The following ACTC1 variants were observed in gnomAD, a reference collection of about 807,000 sequenced individuals.
ACTC1 encodes the protein actin alpha cardiac muscle 1.
ACTC1 carries 10 observed loss-of-function variants against 31.6 expected under a neutral mutation model. That is an observed-to-expected ratio of 0.32 (90% CI 0.19 to 0.54). The LOEUF is 0.54. Ranked by LOEUF, ACTC1 falls within the 20% of genes least tolerant of loss-of-function variation. The pLI is 0.95. For missense variants in ACTC1, 129 were observed against 506.4 expected, an observed-to-expected ratio of 0.25 and a Z score of 7.15; for synonymous variants, 196 against 185.0, an observed-to-expected ratio of 1.06 and a Z score of -0.48.
Position 34,792,941 on chromosome 15 carries a change from G to A in ACTC1, c.454+304C>T, listed in dbSNP as rs1257990080. On this transcript the variant is annotated intron_variant, in intron 3 of 6. Coordinates refer to ENST00000290378, the MANE Select transcript of ACTC1 (RefSeq NM_005159.5). This position sits in a 1 kb window ranked among gnomAD's most constrained non-coding sequence, Gnocchi z 5.3. ...CTGTATGGAATGTATTCTCCTTGGG[G>A]ATGCTTGCCCAGGTGATGTGATGGT... 5.8e-6 allele frequency: 3 copies of A among 521,320 alleles called. No individual in the cohort carries two copies. The highest frequency in any genetic ancestry group is 3.8e-5 in the African/African-American group (2 of 52,138). 32.3% of individuals were successfully genotyped at this position (521,320 alleles called of 1,614,324 possible).
intron 5 of ACTC1, chr15:34,791,753 G>T: frequency 2.6e-6 from 1 of 386,402 alleles, no homozygotes. Context: ...TTAATGATGA[G>T]GAACTTGGAA....
chr15:34,792,777 T>G lies in ACTC1; in HGVS notation c.455-208A>C. On this transcript the variant is annotated intron_variant, in intron 3 of 6. Transcript: ENST00000290378. The surrounding 1 kb of genome is among the most constrained non-coding windows in gnomAD (Gnocchi z 5.3). ...AAACTGCAGCTCATCTTTTTAACTA[T>G]TATAGTAGAAAAAATTCCCGAGGAC... The G allele has an allele frequency of 1.7e-6, 1 of 605,872 alleles. No homozygotes were observed. Among genetic ancestry groups the G allele is most frequent in the South Asian group, 2.0e-5 (1 of 50,606 alleles). The allele number at this position is 605,872 out of a possible 1,614,324, so 37.5% of individuals were successfully genotyped here.
At position 34,791,922 on chromosome 15, in the gene ACTC1, A is replaced by G. The variant is rs1428858092; in HGVS notation, c.808+168T>C. On this transcript the variant is annotated intron_variant, in intron 5 of 6. Transcript: ENST00000290378. Reference sequence around the variant, plus strand: ...CTTTATTATATCACTAGAGCAGAACATAGACTTCCCCTTTAATGAGCCATC... The same window carrying G: ...CTTTATTATATCACTAGAGCAGAACGTAGACTTCCCCTTTAATGAGCCATC... 8.9e-6 allele frequency: 6 copies of G among 672,646 alleles called. No homozygotes were observed. The East Asian group carries it at 1.4e-4, about 15-fold the overall frequency. The allele number at this position is 672,646 out of a possible 1,614,324, so 41.7% of individuals were successfully genotyped here. A position where few individuals can be genotyped will look rare whatever the true frequency, so the allele number is the denominator to read the frequency against.
chr15:34,794,890 C>A, intron 1 of ACTC1, 60 bp from the exon 2 acceptor site: 2 of 1,566,056 alleles, frequency 1.3e-6, no homozygotes, highest in Non-Finnish European at 1.7e-6. Flanking sequence ...TGGCCTTCTC[C>A]GCACCCAGAG....
intron 6 of ACTC1, 49 bp from the exon 7 acceptor site, chr15:34,790,604 A>T: frequency 6.2e-7 from 1 of 1,610,024 alleles, no homozygotes. Context: ...GTTCCAAGCA[A>T]GGGAGCAAAT....
intron 5 of ACTC1, 57 bp from the exon 6 acceptor site, chr15:34,791,352 CAT>C (rs1891703709): frequency 7.1e-7 from 1 of 1,406,730 alleles, no homozygotes; most frequent in Non-Finnish European, 9.8e-7. Flanking sequence ...CACACACACA[CAT>C]CACAGTGCAT....
chr15:34,794,323 A>C (rs1257025578), intron 2 of ACTC1, among the ~76,000 whole-genome samples: 1 of 152,204 alleles, frequency 6.6e-6, no homozygotes, highest in Non-Finnish European at 1.5e-5. Context: ...GGGAGAGGTG[A>C]TATTGTTAGA....
intron 5 of ACTC1, chr15:34,791,665 T>C (rs367741848): frequency 4.8e-5 from 16 of 332,300 alleles, no homozygotes; most frequent in South Asian, 2.0e-4. Context: ...AAGTTCCTTA[T>C]GGAAAGCATT....
At position 34,792,682 on chromosome 15, in the gene ACTC1, G is replaced by T; in HGVS notation, c.455-113C>A. ...CTAAGAGATGCTAGCAATGGGCATT[G>T]ATCCAGATAAAATTAGATTCCTTAC... On this transcript the variant is annotated intron_variant, in intron 3 of 6. Transcript: ENST00000290378. This position sits in a 1 kb window ranked among gnomAD's most constrained non-coding sequence, Gnocchi z 5.3. 8.8e-7 allele frequency: 1 copy of T among 1,130,656 alleles called. No individual in the cohort carries two copies. Among genetic ancestry groups the T allele is most frequent in the South Asian group, 1.3e-5 (1 of 76,986 alleles). 70.0% of individuals were successfully genotyped at this position (1,130,656 alleles called of 1,614,324 possible).
rs903582519 is a variant in ACTC1, at chr15:34,792,124, G to C, written c.774C>G (p.Arg258=). 1 of 1,614,220 alleles carries C rather than the reference G, an allele frequency of 6.2e-7. No homozygotes were observed. The highest frequency in any genetic ancestry group is 1.1e-5 in the South Asian group (1 of 91,082). Reference sequence around the variant, plus strand: ...AGGGCTGGAAGAGTGTCTCAGGACAGCGGAAGCGCTCATTGCCAATAGTGA... The same window carrying C: ...AGGGCTGGAAGAGTGTCTCAGGACACCGGAAGCGCTCATTGCCAATAGTGA... ...QVITIGNERF[R]CPETLFQPSF... The change falls in exon 5 of 7, where the codon CGC becomes CGG. Residue 258 remains arginine, a synonymous_variant. Coordinates refer to ENST00000290378, the MANE Select transcript of ACTC1 (RefSeq NM_005159.5). This position sits in a 1 kb window ranked among gnomAD's most constrained non-coding sequence, Gnocchi z 5.3.
chr15:34,791,087 G>T, intron 6 of ACTC1, 27 bp downstream of exon 6: 1 of 1,567,946 alleles, frequency 6.4e-7, no homozygotes, highest in African/African-American at 1.3e-5. Context: ...ACTTGCCTCG[G>T]ATCTCCCACT....
Position 34,792,834 on chromosome 15 carries a change from C to A in ACTC1, c.455-265G>T. On this transcript the variant is annotated intron_variant, in intron 3 of 6. Coordinates refer to ENST00000290378, the MANE Select transcript of ACTC1 (RefSeq NM_005159.5). The surrounding 1 kb of genome is among the most constrained non-coding windows in gnomAD (Gnocchi z 5.3). ...AAATGACCATCTTTCTTGTCAGCCACGAGCACATTATGTAAGCACCCAAGG... is the reference window on the plus strand; with the variant it reads ...AAATGACCATCTTTCTTGTCAGCCAAGAGCACATTATGTAAGCACCCAAGG... The A allele has an allele frequency of 1.9e-6, 1 of 539,186 alleles. No individual in the cohort carries two copies. Among genetic ancestry groups the A allele is most frequent in the South Asian group, 2.0e-5 (1 of 48,800 alleles). The allele number at this position is 539,186 out of a possible 1,614,324, so 33.4% of individuals were successfully genotyped here.
At position 34,792,890 on chromosome 15, in the gene ACTC1, C is replaced by T. The variant is rs1466223142; in HGVS notation, c.455-321G>A. ...TTTCTTTGCTCCTATTGAACTTACA[C>T]GTTTCTCTCTCTTTTGACTCAGACC... On this transcript the variant is annotated intron_variant, in intron 3 of 6. Coordinates refer to ENST00000290378, the MANE Select transcript of ACTC1 (RefSeq NM_005159.5). The surrounding 1 kb of genome is among the most constrained non-coding windows in gnomAD (Gnocchi z 5.3). The T allele has an allele frequency of 2.0e-6, 1 of 503,940 alleles. No homozygotes were observed. Among genetic ancestry groups the T allele is most frequent in the Non-Finnish European group, 3.6e-6 (1 of 278,108 alleles). 31.2% of individuals were successfully genotyped at this position (503,940 alleles called of 1,614,324 possible). A position where few individuals can be genotyped will look rare whatever the true frequency, so the allele number is the denominator to read the frequency against.
rs1224080351 is a variant in ACTC1, at chr15:34,790,437, G to C, written c.1109C>G (p.Ser370Cys). 1 of 1,614,098 alleles carries C rather than the reference G, an allele frequency of 6.2e-7. No individual in the cohort carries two copies. Among genetic ancestry groups the C allele is most frequent in the Non-Finnish European group, 8.5e-7 (1 of 1,180,012 alleles). Residue 370 changes from serine to cysteine, a missense_variant, in exon 7 of 7, where the codon TCC becomes TGC. Physicochemically the swap from Ser to Cys is moderately radical, Grantham distance 112. Coordinates refer to ENST00000290378, the MANE Select transcript of ACTC1 (RefSeq NM_005159.5). ...SKQEYDEAGP[S>C]IVHRKCF is the part of the protein sequence containing the mutation. ...TTAGAAGCATTTGCGGTGGACAATG[G>C]ATGGGCCTGCCTCATCGTACTCTTG...
rs1440918499 is a variant in ACTC1, at chr15:34,793,500, G to A, written c.199C>T (p.Leu67=). 1 of 1,613,964 alleles carries A rather than the reference G, an allele frequency of 6.2e-7. No homozygotes were observed. The highest frequency in any genetic ancestry group is 8.5e-7 in the Non-Finnish European group (1 of 1,180,024). The change falls in exon 3 of 7, where the codon CTG becomes TTG. Residue 67 remains leucine (L), a synonymous_variant. Transcript: ENST00000290378. The surrounding 1 kb of genome is among the most constrained non-coding windows in gnomAD (Gnocchi z 4.8). ...TGCTCGATGGGATACTTCAGGGTCA[G>A]GATGCCTCTCTTGCTCTGGGCTTCA... ...GDEAQSKRGI[L]TLKYPIEHGI...
rs1168447209 is a variant in ACTC1 at position 34,792,139 on chromosome 15, G to C, written c.759C>G (p.Gly253=). ...ELPDGQVITI[G]NERFRCPETL... is the part of the protein sequence containing the mutation. ...TCTCAGGACAGCGGAAGCGCTCATT[G>C]CCAATAGTGATGACTTGGCCATCAG... The change falls in exon 5 of 7, where the codon GGC becomes GGG. Residue 253 remains glycine (G), a synonymous_variant. Coordinates refer to ENST00000290378, the MANE Select transcript of ACTC1 (RefSeq NM_005159.5). This position sits in a 1 kb window ranked among gnomAD's most constrained non-coding sequence, Gnocchi z 5.3. 1 of 1,614,112 alleles carries C rather than the reference G, an allele frequency of 6.2e-7. No individual in the cohort carries two copies. The highest frequency in any genetic ancestry group is 1.1e-5 in the South Asian group (1 of 91,088).
Position 34,792,013 on chromosome 15 carries a change from G to A in ACTC1, c.808+77C>T. On this transcript the variant is annotated intron_variant, in intron 5 of 6. Transcript: ENST00000290378. This position sits in a 1 kb window ranked among gnomAD's most constrained non-coding sequence, Gnocchi z 5.3. Reference sequence around the variant, plus strand: ...TTCTTTTAACTCAAGGGCTTCTTGAGCCTTCTAGATTTTACTCTGGGAGAC... The same window carrying A: ...TTCTTTTAACTCAAGGGCTTCTTGAACCTTCTAGATTTTACTCTGGGAGAC... 1 of 1,524,252 alleles carries A rather than the reference G, an allele frequency of 6.6e-7. No homozygotes were observed. The highest frequency in any genetic ancestry group is 2.3e-5 in the East Asian group (1 of 44,224). The allele number at this position is 1,524,252 out of a possible 1,614,324, so 94.4% of individuals were successfully genotyped here.
intron 6 of ACTC1, 77 bp from the exon 7 acceptor site, chr15:34,790,632 C>T: frequency 6.4e-7 from 1 of 1,560,696 alleles, no homozygotes; most frequent in Non-Finnish European, 8.8e-7. Context: ...TGGGAGGATT[C>T]ACAGAAAAAA....
intron 1 of ACTC1, 119 bp from the exon 2 acceptor site, chr15:34,794,949 C>CTGGGGTTTGGGG: frequency 3.9e-6 from 1 of 256,368 alleles, no homozygotes; most frequent in Non-Finnish European, 7.2e-6. Flanking sequence ...GGGGGTTGGG[C>CTGGGGTTTGGGG]GGGGAACACT....
Sources: allele counts gnomAD v4.1 joint callset (sites outside exome capture counted in the v4.1 genomes callset), GRCh38; gene constraint gnomAD v4.1.1; non-coding constraint Gnocchi (gnomAD v3.1); transcripts MANE v1.5; gene names NCBI Gene and HGNC (gene_info 2026-07-23, HGNC 2026-07-21).